The following HLCS variants were observed in gnomAD, a reference collection of about 807,000 sequenced individuals.
HLCS encodes biotin--protein ligase.
A neutral mutation model predicts 75.0 loss-of-function variants in HLCS; 53 were observed. That is an observed-to-expected ratio of 0.71 (90% CI 0.57 to 0.89). The LOEUF (loss-of-function observed/expected upper bound fraction) is 0.89, where lower values mean the gene tolerates loss of function less well. HLCS is among the 40% of genes least tolerant of loss of function. The probability of loss-of-function intolerance (pLI) is 0.00; values close to 1 mark genes in which losing one functional copy is unlikely to be tolerated. For missense variants in HLCS, 966 were observed against 1,074.0 expected (o/e 0.90, Z 1.41); for synonymous variants, 431 against 428.6 (o/e 1.01, Z -0.07).
At chr21:36,818,728 A>G (rs1477587351) in intron 6 of HLCS, among the ~76,000 whole-genome samples, 1 of 152,188 alleles carries the variant, frequency 6.6e-6, no homozygotes, top group African/African-American at 2.4e-5. Flanking sequence ...GCGGTATTTG[A>G]ACACTTCTCT....
At chr21:36,930,809 T>A (rs1037965376) in intron 4 of HLCS, among the ~76,000 whole-genome samples, 1 of 152,218 alleles carries the variant, frequency 6.6e-6, no homozygotes, top group Non-Finnish European at 1.5e-5. Context: ...TGAAGCTGTA[T>A]ATCTGGAAAG....
intron 5 of HLCS, among the ~76,000 whole-genome samples, chr21:36,923,561 G>A (rs2066270276): frequency 6.6e-6 from 1 of 152,090 alleles, no homozygotes; most frequent in African/African-American, 2.4e-5. Flanking sequence ...CTAATTAAAC[G>A]TGGAAAACAA....
chr21:36,853,922 G>C (rs2063098715), intron 6 of HLCS, among the ~76,000 whole-genome samples: 1 of 152,106 alleles, frequency 6.6e-6, no homozygotes, highest in South Asian at 2.1e-4. Flanking sequence ...TTGTAGAAAA[G>C]CATCCTGGAG....
intron 6 of HLCS, among the ~76,000 whole-genome samples, chr21:36,876,311 C>T (rs1473900788): frequency 6.6e-6 from 1 of 152,160 alleles, no homozygotes; most frequent in Non-Finnish European, 1.5e-5. Flanking sequence ...TCTAAGGATC[C>T]TGTGACATTT....
rs1352371937 is a variant in HLCS, at chr21:36,842,911, C to G, written c.1892+53949G>C. ...GGGCCCCGGGCCAGGGAGCAACATC[C>G]TCTCTCACCAATGATCTCTTTACAT... On this transcript the variant is annotated intron_variant, in intron 6 of 10. Coordinates refer to ENST00000674895, the MANE Select transcript of HLCS (RefSeq NM_001352514.2). This position sits in a 1 kb window ranked among gnomAD's most constrained non-coding sequence, Gnocchi z 4.2. Among the ~76,000 whole-genome samples the G allele has an allele frequency of 3.3e-5, 5 of 152,208 alleles. No individual in the cohort carries two copies.
At chr21:36,845,155 T>C (rs1158795804) in intron 6 of HLCS, among the ~76,000 whole-genome samples, 2 of 152,128 alleles carry the variant, frequency 1.3e-5, no homozygotes, top group Non-Finnish European at 2.9e-5. Context: ...GAAGAAAACT[T>C]TCTGTTCAAA....
chr21:36,900,004 C>T (rs561845082), intron 5 of HLCS, among the ~76,000 whole-genome samples: 77 of 152,092 alleles, frequency 5.1e-4, no homozygotes, highest in Middle Eastern at 6.8e-3. Flanking sequence ...ACTTGGGAGG[C>T]TGAGGCACAA....
chr21:36,933,848 G>A (rs8132547), intron 4 of HLCS, among the ~76,000 whole-genome samples: 3,798 of 152,266 alleles, frequency 0.025, 157 homozygotes, highest in African/African-American at 0.082. Flanking sequence ...AGATGCACAC[G>A]CAGTGAATTG....
At chr21:36,876,129 G>A (rs771425553) in intron 6 of HLCS, among the ~76,000 whole-genome samples, 11 of 152,060 alleles carry the variant, frequency 7.2e-5, no homozygotes, top group East Asian at 1.9e-4. Context: ...AAGCTTGCTC[G>A]TTCACAACCC....
chr21:36,907,644 T>C (rs1304772947), intron 5 of HLCS, among the ~76,000 whole-genome samples: 1 of 150,722 alleles, frequency 6.6e-6, no homozygotes, highest in Non-Finnish European at 1.5e-5. Flanking sequence ...AGAGCGAGAC[T>C]CCATCTCAAA....
intron 6 of HLCS, among the ~76,000 whole-genome samples, chr21:36,788,871 G>A (rs886411349): frequency 1.3e-4 from 20 of 152,096 alleles, no homozygotes; most frequent in Non-Finnish European, 1.9e-4. Flanking sequence ...ACTTTTTTGC[G>A]GGGGAAGGGG....
intron 3 of HLCS, 109 bp downstream of exon 3, chr21:36,938,723 G>T: frequency 8.8e-7 from 1 of 1,136,028 alleles, no homozygotes; most frequent in South Asian, 1.2e-5. Context: ...GGCTGGTCTC[G>T]AACTCCTGGG....
chr21:36,861,564 G>A (rs992169364), intron 6 of HLCS, among the ~76,000 whole-genome samples: 6 of 151,994 alleles, frequency 3.9e-5, no homozygotes, highest in African/African-American at 1.5e-4. Flanking sequence ...CCTCCAGTAG[G>A]CCACAGGGCC....
intron 6 of HLCS, among the ~76,000 whole-genome samples, chr21:36,893,229 G>T (rs558404570): frequency 1.5e-4 from 23 of 152,194 alleles, no homozygotes; most frequent in African/African-American, 5.5e-4. Flanking sequence ...CACCACAACT[G>T]CCTGGCTAAT....
intron 6 of HLCS, among the ~76,000 whole-genome samples, chr21:36,778,163 G>T: frequency 6.6e-6 from 1 of 151,966 alleles, no homozygotes; most frequent in Non-Finnish European, 1.5e-5. Context: ...TAGAGATGGG[G>T]TTTCACCATG....
chr21:36,773,272 G>T (rs2060262539), intron 6 of HLCS, among the ~76,000 whole-genome samples: 1 of 152,212 alleles, frequency 6.6e-6, no homozygotes, highest in Admixed American at 6.5e-5. Context: ...CAAAGAAAGG[G>T]CGGCCAAGTG....
At chr21:36,945,379 A>G (rs2067341163) in intron 2 of HLCS, among the ~76,000 whole-genome samples, 1 of 152,236 alleles carries the variant, frequency 6.6e-6, no homozygotes, top group South Asian at 2.1e-4. Flanking sequence ...CATTATTCAC[A>G]ATAGCCAAAA....
Position 36,839,201 on chromosome 21 carries a change from CGA to C in HLCS, c.1892+57657_1892+57658del, listed in dbSNP as rs1041783472. On this transcript the variant is annotated intron_variant, in intron 6 of 10. Transcript: ENST00000674895. ...TGCAAATACACACGGCTGAAAAATA[CGA>C]GAGGTCAATGGACAGCATTAGCATG... 3.3e-5 allele frequency among the ~76,000 whole-genome samples: 5 copies of C among 152,232 alleles called. 1 individual carries two copies. The South Asian group carries it at 1.0e-3, about 32-fold the overall frequency.
chr21:36,845,444 A>C (rs1021913541), intron 6 of HLCS, among the ~76,000 whole-genome samples: 1 of 152,144 alleles, frequency 6.6e-6, no homozygotes, highest in African/African-American at 2.4e-5. Flanking sequence ...ACCAGCCTTT[A>C]TTAGAAAATC....
Sources: allele counts gnomAD v4.1 joint callset (sites outside exome capture counted in the v4.1 genomes callset), GRCh38; gene constraint gnomAD v4.1.1; non-coding constraint Gnocchi (gnomAD v3.1); transcripts MANE v1.5; gene names NCBI Gene and HGNC (gene_info 2026-07-23, HGNC 2026-07-21).